ANKH: variants seen among roughly 807,000 people sequenced by gnomAD.
The protein encoded by ANKH is ANKH inorganic pyrophosphate transport regulator, also known as mineralization regulator ANKH.
Under a neutral mutation model 49.0 loss-of-function variants are expected in ANKH, and 15 were observed. The ratio of observed to expected loss-of-function variants is 0.31; its 90% CI spans 0.20 to 0.47. The LOEUF (loss-of-function observed/expected upper bound fraction) is 0.47. ANKH is among the 20% of genes least tolerant of loss of function. The pLI, the probability that ANKH is intolerant of heterozygous loss-of-function variation, is 1.00. For missense variants in ANKH, 429 were observed against 652.0 expected (o/e 0.66, Z 3.72); for synonymous variants, 273 against 260.0 (o/e 1.05, Z -0.48).
chr5:14,802,797 G>T (rs1202321760), intron 1 of ANKH, among the ~76,000 whole-genome samples: 2 of 152,084 alleles, frequency 1.3e-5, no homozygotes, highest in African/African-American at 4.8e-5. Context: ...CCCTGGGCTG[G>T]GTTAGCTCCC....
chr5:14,763,322 G>A (rs926766247), intron 2 of ANKH, among the ~76,000 whole-genome samples: 2 of 152,216 alleles, frequency 1.3e-5, no homozygotes, highest in Admixed American at 6.5e-5. Flanking sequence ...TGTGCTTCTA[G>A]GGTATCATTT....
chr5:14,740,121 T>C (rs1738308147), intron 8 of ANKH, among the ~76,000 whole-genome samples: 1 of 152,006 alleles, frequency 6.6e-6, no homozygotes. Context: ...TGTTAAACAG[T>C]ATGAAAGAAG....
Position 14,834,679 on chromosome 5 carries a change from G to T in ANKH, c.96+36673C>A, listed in dbSNP as rs551794022. ...ACCTGTAATCCCAGCTACTCAGGAG[G>T]CTGAGGCAGGAGAATCACTTGAACC... is the stretch of plus-strand genomic sequence containing the variant. On this transcript the variant is annotated intron_variant, in intron 1 of 11. Transcript: ENST00000284268. Among the ~76,000 whole-genome samples the T allele has an allele frequency of 4.6e-5, 7 of 152,268 alleles. No individual in the cohort carries two copies. In the South Asian group the frequency reaches 1.2e-3, roughly 27 times the overall value.
intron 2 of ANKH, among the ~76,000 whole-genome samples, chr5:14,759,848 G>A (rs1346242561): frequency 2.3e-5 from 2 of 86,788 alleles, no homozygotes; most frequent in Admixed American, 2.7e-4. Flanking sequence ...GGGAAGGGAA[G>A]GAAAGGGAAG....
chr5:14,840,990 A>G (rs1741798962), intron 1 of ANKH, among the ~76,000 whole-genome samples: 1 of 152,164 alleles, frequency 6.6e-6, no homozygotes, highest in African/African-American at 2.4e-5. Context: ...CACCTTAATC[A>G]TGGTCTTTTC....
At chr5:14,735,630 G>T (rs1420752368) in intron 8 of ANKH, among the ~76,000 whole-genome samples, 5 of 152,176 alleles carry the variant, frequency 3.3e-5, no homozygotes, top group African/African-American at 1.2e-4. Context: ...AAGGTGCTAG[G>T]GAAGGGTCTG....
intron 1 of ANKH, among the ~76,000 whole-genome samples, chr5:14,839,441 G>A (rs544804840): frequency 1.3e-5 from 2 of 151,172 alleles, no homozygotes; most frequent in East Asian, 1.9e-4. Context: ...TCAAAGAAAT[G>A]GTATCATAAT....
intron 8 of ANKH, among the ~76,000 whole-genome samples, chr5:14,722,367 C>T (rs1427834234): frequency 2.0e-5 from 3 of 152,256 alleles, no homozygotes; most frequent in East Asian, 1.9e-4. Context: ...CCTTCAAAAT[C>T]GAATAGTCCA....
intron 7 of ANKH, among the ~76,000 whole-genome samples, chr5:14,743,817 T>A (rs979374500): frequency 1.3e-5 from 2 of 152,230 alleles, no homozygotes; most frequent in Non-Finnish European, 2.9e-5. Flanking sequence ...TAAAGGAATT[T>A]TTTTATAGCT....
rs1351644715 is a variant in ANKH, at chr5:14,754,121, A to AGATGGCATCTGAACTCGGCTTTAC, written c.516+1739_516+1740insGTAAAGCCGAGTTCAGATGCCATC. 3.3e-5 allele frequency among the ~76,000 whole-genome samples: 5 copies of AGATGGCATCTGAACTCGGCTTTAC among 152,366 alleles called. 1 individual carries two copies. Among genetic ancestry groups the AGATGGCATCTGAACTCGGCTTTAC allele is most frequent in the East Asian group, 1.9e-4 (1 of 5,188 alleles). ...ACTCCACCAGGCACAGCCTGAAGCCAGATGGCATCTGAACTCGGCTTCCAC... is the reference window on the plus strand; with the variant it reads ...ACTCCACCAGGCACAGCCTGAAGCCAGATGGCATCTGAACTCGGCTTTACGATGGCATCTGAACTCGGCTTCCAC... On this transcript the variant is annotated intron_variant, in intron 4 of 11. Transcript: ENST00000284268.
intron 1 of ANKH, among the ~76,000 whole-genome samples, chr5:14,805,905 C>G (rs966735176): frequency 6.6e-6 from 1 of 152,190 alleles, no homozygotes; most frequent in African/African-American, 2.4e-5. Flanking sequence ...GCCATTTCGA[C>G]TGTGCTTCGA....
intron 1 of ANKH, among the ~76,000 whole-genome samples, chr5:14,804,944 G>A (rs760192040): frequency 2.2e-4 from 34 of 152,186 alleles, no homozygotes; most frequent in Non-Finnish European, 7.3e-5. Flanking sequence ...ATGGCAGCTT[G>A]AGGTAGCTAG....
intron 1 of ANKH, chr5:14,797,345 C>T: frequency 6.2e-7 from 1 of 1,607,306 alleles, no homozygotes; most frequent in African/African-American, 1.3e-5. Flanking sequence ...GGGATTGTTC[C>T]TCTCCAATTT....
intron 1 of ANKH, among the ~76,000 whole-genome samples, chr5:14,826,808 G>A (rs558481381): frequency 1.3e-5 from 2 of 152,092 alleles, no homozygotes; most frequent in African/African-American, 2.4e-5. Flanking sequence ...CAAAACCATC[G>A]ATTTGCTCTC....
chr5:14,803,259 T>C (rs1220495074), intron 1 of ANKH, among the ~76,000 whole-genome samples: 1 of 122,532 alleles, frequency 8.2e-6, no homozygotes, highest in Non-Finnish European at 1.8e-5. Flanking sequence ...TCTTTTAGTC[T>C]CTATCTCTTT....
intron 11 of ANKH, 152 bp downstream of exon 11, chr5:14,712,722 G>C (rs934637078): frequency 5.1e-5 from 39 of 762,622 alleles, no homozygotes; most frequent in African/African-American, 3.4e-5. Context: ...CTCCCATTAG[G>C]CTTCCAGCCA....
At chr5:14,841,603 T>C (rs1176656473) in intron 1 of ANKH, among the ~76,000 whole-genome samples, 2 of 152,196 alleles carry the variant, frequency 1.3e-5, no homozygotes, top group Non-Finnish European at 2.9e-5. Context: ...GGCAAAAATT[T>C]ACCATTTTTA....
At position 14,845,354 on chromosome 5, in the gene ANKH, ATATATATATATATTTTTTT is replaced by A. The variant is rs1445975560; in HGVS notation, c.96+25979_96+25997del. ...AACCCTGCTAGTTTCATGTGTATAT[ATATATATATATATTTTTTT>A]TTTTACCTTTCTGGTTTTATTAAGA... On this transcript the variant is annotated intron_variant, in intron 1 of 11. Coordinates refer to ENST00000284268, the MANE Select transcript of ANKH (RefSeq NM_054027.6). Among the ~76,000 whole-genome samples the A allele has an allele frequency of 5.4e-4, 24 of 44,740 alleles. No homozygotes were observed. In the Admixed American group the frequency reaches 6.3e-3, roughly 12 times the overall value. The allele number at this position is 44,740 out of a possible 152,430, so 29.4% of individuals were successfully genotyped here.
At chr5:14,716,682 T>C (rs771279402) in intron 9 of ANKH, 24 bp downstream of exon 9, 1 of 1,613,550 alleles carries the variant, frequency 6.2e-7, no homozygotes, top group Non-Finnish European at 8.5e-7. Flanking sequence ...ACAGGAATGC[T>C]TCCTTCATTC....
Sources: allele counts gnomAD v4.1 joint callset (sites outside exome capture counted in the v4.1 genomes callset), GRCh38; gene constraint gnomAD v4.1.1; transcripts MANE v1.5; gene names NCBI Gene and HGNC (gene_info 2026-07-23, HGNC 2026-07-21).